Variants in EPS8L1 observed in about 807,000 individuals in gnomAD.
The protein encoded by EPS8L1 is epidermal growth factor receptor kinase substrate 8-like protein 1.
Under a neutral mutation model 91.7 loss-of-function variants are expected in EPS8L1, and 101 were observed. That is an observed-to-expected ratio of 1.10 (90% CI 0.94 to 1.30). EPS8L1 has a LOEUF of 1.30. Among genes scored for constraint, EPS8L1 ranks in the 50% most tolerant of loss-of-function variants. The pLI is 0.00. For missense variants in EPS8L1, 1,114 were observed against 1,017.0 expected, an observed-to-expected ratio of 1.10 and a Z score of -1.30; for synonymous variants, 506 against 445.3, an observed-to-expected ratio of 1.14 and a Z score of -1.72.
chr19:55,081,175 C>A lies in EPS8L1; in HGVS notation c.513-56C>A. 1 of 1,457,626 alleles carries A rather than the reference C, an allele frequency of 6.9e-7. No homozygotes were observed. The highest frequency in any genetic ancestry group is 9.0e-7 in the Non-Finnish European group (1 of 1,112,580). The allele number at this position is 1,457,626 out of a possible 1,614,324, so 90.3% of individuals were successfully genotyped here. A position where few individuals can be genotyped will look rare whatever the true frequency, so the allele number is the denominator to read the frequency against. On this transcript the variant is annotated intron_variant, in intron 7 of 19. Transcript: ENST00000201647. The surrounding 1 kb of genome is among the most constrained non-coding windows in gnomAD (Gnocchi z 4.9). ...TGTCTCGTTCTGCGCCCTGGATTTC[C>A]CCCTCCCTGGACCCCTCAGTGGACC...
chr19:55,081,799 C>T lies in EPS8L1; in HGVS notation c.801C>T (p.Asp267=). Reference sequence around the variant, plus strand: ...ACATCCTGAACCACGTGTTCGACGACGTAGAGAGCTTTGTATCGAGGCTGC... The same window carrying T: ...ACATCCTGAACCACGTGTTCGACGATGTAGAGAGCTTTGTATCGAGGCTGC... ...EVDILNHVFD[D]VESFVSRLQK... Residue 267 remains aspartate (D), a synonymous_variant, in exon 9 of 20, where the codon GAC becomes GAT. Coordinates refer to ENST00000201647, the MANE Select transcript of EPS8L1 (RefSeq NM_133180.3). This position sits in a 1 kb window ranked among gnomAD's most constrained non-coding sequence, Gnocchi z 4.9. The T allele has an allele frequency of 1.2e-6, 2 of 1,611,552 alleles. No homozygotes were observed. Among genetic ancestry groups the T allele is most frequent in the Non-Finnish European group, 8.5e-7 (1 of 1,178,092 alleles).
intron 4 of EPS8L1, 24 bp downstream of exon 4, chr19:55,079,081 C>A: frequency 3.1e-6 from 5 of 1,613,498 alleles, no homozygotes; most frequent in Non-Finnish European, 4.2e-6. Flanking sequence ...CTGTGTTCCC[C>A]CAGGACATCT....
At position 55,082,473 on chromosome 19, in the gene EPS8L1, G is replaced by T; in HGVS notation, c.1085G>T (p.Gly362Val). ...PLQMIVNTSG[G>V]PEFASSVRRP... The stretch of plus-strand genomic sequence containing the variant: ...TGACAGATTGTGAACACGTCGGGGG[G>T]GCCGGAGTTCGCGAGCAGTGTGCGG... The change falls in exon 12 of 20, where the codon GGG becomes GTG. Residue 362 changes from glycine (G) to valine (V), a missense_variant. By Grantham distance (109) the Gly-to-Val change is moderately radical. Transcript: ENST00000201647. The T allele has an allele frequency of 6.2e-7, 1 of 1,612,654 alleles. No homozygotes were observed. Among genetic ancestry groups the T allele is most frequent in the Admixed American group, 1.7e-5 (1 of 59,994 alleles).
rs577392527 is a variant in EPS8L1 at position 55,087,331 on chromosome 19, G to A, written c.1981G>A (p.Gly661Arg). 5.9e-5 allele frequency: 95 copies of A among 1,611,336 alleles called. No homozygotes were observed. In the East Asian group the frequency reaches 1.9e-3, roughly 32 times the overall value. Residue 661 changes from glycine (G) to arginine (R), a missense_variant, in exon 19 of 20, where the codon GGG (glycine) becomes AGG (arginine). Transcript: ENST00000201647. ...GTVDALGVLT[G>R]AQLFSLQKEE... Reference sequence around the variant, plus strand: ...CGTGGACGCGCTGGGTGTGCTGACCGGGGCGCAGCTTTTCTCGCTGCAGAA... The same window carrying A: ...CGTGGACGCGCTGGGTGTGCTGACCAGGGCGCAGCTTTTCTCGCTGCAGAA...
In EPS8L1 at chr19:55,083,855, G is replaced by A. The variant is rs1403923998; in HGVS notation, c.1385+211G>A. 1 of 730,832 alleles carries A rather than the reference G, an allele frequency of 1.4e-6. No homozygotes were observed. The highest frequency in any genetic ancestry group is 2.3e-6 in the Non-Finnish European group (1 of 430,048). 45.3% of individuals were successfully genotyped at this position (730,832 alleles called of 1,614,324 possible). A position where few individuals can be genotyped will look rare whatever the true frequency, so the allele number is the denominator to read the frequency against. Reference sequence around the variant, plus strand: ...GCGGGACCCAGACTTCTGGGGCTAAGGGAGTTGGGAATGGAGACCCGGATT... The same window carrying A: ...GCGGGACCCAGACTTCTGGGGCTAAAGGAGTTGGGAATGGAGACCCGGATT... On this transcript the variant is annotated intron_variant, in intron 14 of 19. Coordinates refer to ENST00000201647, the MANE Select transcript of EPS8L1 (RefSeq NM_133180.3). The surrounding 1 kb of genome is among the most constrained non-coding windows in gnomAD (Gnocchi z 4.7).
chr19:55,081,685 G>T lies in EPS8L1; in HGVS notation c.775-88G>T. 1 of 1,518,400 alleles carries T rather than the reference G, an allele frequency of 6.6e-7. No individual in the cohort carries two copies. Among genetic ancestry groups the T allele is most frequent in the Non-Finnish European group, 8.8e-7 (1 of 1,132,372 alleles). The allele number at this position is 1,518,400 out of a possible 1,614,324, so 94.1% of individuals were successfully genotyped here. On this transcript the variant is annotated intron_variant, in intron 8 of 19. Coordinates refer to ENST00000201647, the MANE Select transcript of EPS8L1 (RefSeq NM_133180.3). The surrounding 1 kb of genome is among the most constrained non-coding windows in gnomAD (Gnocchi z 4.9). ...TGTTTGGGGCGTGGCCTGATCTGGG[G>T]AAGTGTATAGGTGCTCAGGTTCAGG...
At position 55,081,719 on chromosome 19, in the gene EPS8L1, G is replaced by A; in HGVS notation, c.775-54G>A. On this transcript the variant is annotated intron_variant, in intron 8 of 19. Coordinates refer to ENST00000201647, the MANE Select transcript of EPS8L1 (RefSeq NM_133180.3). The surrounding 1 kb of genome is among the most constrained non-coding windows in gnomAD (Gnocchi z 4.9). ...AGGTGCTCAGGTTCAGGGCTTCGACGGGGATGGTTTTGGAACTCGGGAGCC... is the reference window on the plus strand; with the variant it reads ...AGGTGCTCAGGTTCAGGGCTTCGACAGGGATGGTTTTGGAACTCGGGAGCC... 3 of 1,561,118 alleles carry A rather than the reference G, an allele frequency of 1.9e-6. No individual in the cohort carries two copies. The highest frequency in any genetic ancestry group is 2.6e-6 in the Non-Finnish European group (3 of 1,151,718).
rs1464706708 is a variant in EPS8L1, at chr19:55,086,171, C to T, written c.1629C>T (p.Ser543=). 6.2e-7 allele frequency: 1 copy of T among 1,601,234 alleles called. No homozygotes were observed. The highest frequency in any genetic ancestry group is 1.3e-5 in the African/African-American group (1 of 74,718). Residue 543 remains serine (S), a synonymous_variant, in exon 16 of 20, where the codon AGC becomes AGT. Transcript: ENST00000201647. ...TPYPGPRLHH[S]QSPARSLNST... is the part of the protein sequence containing the mutation. The stretch of plus-strand genomic sequence containing the variant: ...ACCCCGGACCCCGGCTGCACCACAG[C>T]CAAAGCCCTGCCCGCAGCCTGGTGA...
intron 6 of EPS8L1, chr19:55,080,570 T>G: frequency 6.2e-7 from 1 of 1,608,638 alleles, no homozygotes; most frequent in Non-Finnish European, 8.5e-7. Flanking sequence ...CCGGACTGGG[T>G]CTCCATGGGC....
chr19:55,076,096 G>GCTGGGGGTCTGAACTCCTGGGT (rs1568769757), intron 1 of EPS8L1, among the ~76,000 whole-genome samples, 177 bp downstream of exon 1: 37 of 115,796 alleles, frequency 3.2e-4, no homozygotes, highest in Admixed American at 4.2e-4. Flanking sequence ...GGGAGGAGGG[G>GCTGGGGGTCTGAACTCCTGGGT]CTGAGGGCCT....
At chr19:55,082,701 G>C in intron 12 of EPS8L1, 99 bp downstream of exon 12, 2 of 1,190,520 alleles carry the variant, frequency 1.7e-6, no homozygotes, top group Non-Finnish European at 2.3e-6. Context: ...GACTAGGAGA[G>C]TAGGGAGGGG....
chr19:55,080,093 C>T (rs899114735), intron 5 of EPS8L1, 36 bp from the exon 6 acceptor site: 23 of 1,468,754 alleles, frequency 1.6e-5, no homozygotes, highest in African/African-American at 2.8e-5. Flanking sequence ...ACCATCATTT[C>T]GGGGCCTCAG....
chr19:55,085,746 A>C, intron 14 of EPS8L1, 95 bp from the exon 15 acceptor site: 1 of 1,448,286 alleles, frequency 6.9e-7, no homozygotes. Context: ...CTGTGCCCCC[A>C]GCTTGGCTCT....
At chr19:55,076,657 A>G (rs2076141328) in intron 2 of EPS8L1, among the ~76,000 whole-genome samples, 196 bp downstream of exon 2, 1 of 152,208 alleles carries the variant, frequency 6.6e-6, no homozygotes, top group Non-Finnish European at 1.5e-5. Flanking sequence ...ACTGCAGAGC[A>G]GACAGGCCTG....
chr19:55,079,234 C>T (rs2076201794), intron 4 of EPS8L1, among the ~76,000 whole-genome samples, 177 bp downstream of exon 4: 1 of 152,136 alleles, frequency 6.6e-6, no homozygotes, highest in African/African-American at 2.4e-5. Context: ...AGCCAGGGGC[C>T]TCGGGTCCAC....
intron 5 of EPS8L1, 103 bp downstream of exon 5, chr19:55,079,954 C>A: frequency 2.1e-6 from 3 of 1,458,328 alleles, no homozygotes; most frequent in Non-Finnish European, 2.7e-6. Flanking sequence ...GGAACTCTGG[C>A]GAGGGACCCC....
In EPS8L1 at chr19:55,083,930, T is replaced by A; in HGVS notation, c.1385+286T>A. 1 of 605,774 alleles carries A rather than the reference T, an allele frequency of 1.7e-6. No individual in the cohort carries two copies. The highest frequency in any genetic ancestry group is 2.9e-6 in the Non-Finnish European group (1 of 341,798). 37.5% of individuals were successfully genotyped at this position (605,774 alleles called of 1,614,324 possible). A position where few individuals can be genotyped will look rare whatever the true frequency, so the allele number is the denominator to read the frequency against. On this transcript the variant is annotated intron_variant, in intron 14 of 19. Coordinates refer to ENST00000201647, the MANE Select transcript of EPS8L1 (RefSeq NM_133180.3). This position sits in a 1 kb window ranked among gnomAD's most constrained non-coding sequence, Gnocchi z 4.7. ...CTGGGAGTGGGTAAAGTCTGAGAGG[T>A]TGGATCCCTGGATCCCCAAAAGGCT...
Position 55,081,387 on chromosome 19 carries a change from G to A in EPS8L1, c.669G>A (p.Ala223=), listed in dbSNP as rs770847494. 1.8e-4 allele frequency: 292 copies of A among 1,581,884 alleles called. No homozygotes were observed. The highest frequency in any genetic ancestry group is 2.3e-4 in the Non-Finnish European group (267 of 1,166,682). The stretch of plus-strand genomic sequence containing the variant: ...AGCCCATTCCCGAGGCAGAGGAGGC[G>A]CAGAGGCCTGAGCCGGTGGGGACCT... The part of the protein sequence containing the change: ...QAKPIPEAEE[A]QRPEPVGTSS... Residue 223 remains alanine (A), a synonymous_variant, in exon 8 of 20, where the codon GCG becomes GCA. Transcript: ENST00000201647. The surrounding 1 kb of genome is among the most constrained non-coding windows in gnomAD (Gnocchi z 4.9).
chr19:55,080,508 G>A (rs1054528640), intron 6 of EPS8L1: 4 of 1,613,718 alleles, frequency 2.5e-6, no homozygotes, highest in Non-Finnish European at 3.4e-6. Context: ...ACAGAACATG[G>A]CCAAGAAGGA....
Sources: allele counts gnomAD v4.1 joint callset (sites outside exome capture counted in the v4.1 genomes callset), GRCh38; gene constraint gnomAD v4.1.1; non-coding constraint Gnocchi (gnomAD v3.1); transcripts MANE v1.5; gene names NCBI Gene and HGNC (gene_info 2026-07-23, HGNC 2026-07-21).